ARHGEF25: variants seen among roughly 807,000 people sequenced by gnomAD.
ARHGEF25 encodes the protein RAC/CDC42 exchange factor.
ARHGEF25 carries 42 observed loss-of-function variants against 74.0 expected under a neutral mutation model. That is an observed-to-expected ratio of 0.57 (90% CI 0.44 to 0.73). ARHGEF25 has a LOEUF of 0.73. Among genes scored for constraint, ARHGEF25 ranks in the 30% least tolerant of loss-of-function variants. The pLI is 0.00. For synonymous variants in ARHGEF25, 293 were observed against 278.6 expected (o/e 1.05, Z -0.51); for missense variants, 645 against 725.5 (o/e 0.89, Z 1.27).
intron 1 of ARHGEF25, 147 bp downstream of exon 1, chr12:57,612,138 C>A: frequency 1.9e-6 from 1 of 520,994 alleles, no homozygotes; most frequent in Non-Finnish European, 2.9e-6. Context: ...CCTAAGGTCC[C>A]TTCTGCCTCC....
chr12:57,615,974 G>T lies in ARHGEF25; in HGVS notation c.1377G>T (p.Lys459Asn). 1 of 1,613,994 alleles carries T rather than the reference G, an allele frequency of 6.2e-7. No individual in the cohort carries two copies. Among genetic ancestry groups the T allele is most frequent in the Non-Finnish European group, 8.5e-7 (1 of 1,179,908 alleles). The change falls in exon 13 of 15, where the codon AAG (lysine) becomes AAT (asparagine). Residue 459 changes from lysine to asparagine, a missense_variant. Lys to Asn is a moderately conservative substitution (Grantham distance 94). This residue lies in a region of ARHGEF25 where 262 missense variants were observed against 256.9 expected (regional missense o/e 1.02). Transcript: ENST00000286494. ...ADPAISQAWI[K>N]HVAQILESQR... ...CTGCTATCAGTCAGGCCTGGATCAA[G>T]CATGTGGCTCAGATCTTGGAGAGCC...
chr12:57,611,752 G>C lies in ARHGEF25; in HGVS notation c.-143G>C. The C allele has an allele frequency of 1.7e-6, 2 of 1,187,980 alleles. No individual in the cohort carries two copies. Among genetic ancestry groups the C allele is most frequent in the African/African-American group, 1.6e-5 (1 of 62,924 alleles). The allele number at this position is 1,187,980 out of a possible 1,614,324, so 73.6% of individuals were successfully genotyped here. A position where few individuals can be genotyped will look rare whatever the true frequency, so the allele number is the denominator to read the frequency against. Reference sequence around the variant, plus strand: ...CGCCTACCCCTGGACACCTCCTCCCGGTCCCCTCCCTCCCCCCCTCCCACA... The same window carrying C: ...CGCCTACCCCTGGACACCTCCTCCCCGTCCCCTCCCTCCCCCCCTCCCACA... On this transcript the variant is annotated 5_prime_UTR_variant, in exon 1 of 15. Transcript: ENST00000286494. This position sits in a 1 kb window ranked among gnomAD's most constrained non-coding sequence, Gnocchi z 4.5.
rs747900629 is a variant in ARHGEF25, at chr12:57,615,004, C to A, written c.947C>A (p.Thr316Asn). The change falls in exon 10 of 15, where the codon ACT (threonine) becomes AAT (asparagine). Residue 316 changes from threonine (T) to asparagine (N), a missense_variant. By Grantham distance (65) the Thr-to-Asn change is moderately conservative. Around this residue, in one of 3 missense-constraint regions of ARHGEF25, gnomAD observed 194 missense variants for 269.4 expected, o/e 0.72. Transcript: ENST00000286494. ...LKYYNRAGMD[T>N]ADLEQAVEVM... ...TATTACAATAGAGCTGGGATGGATACTGCAGACCTAGAGGTGAGGACCCCA... is the reference window on the plus strand; with the variant it reads ...TATTACAATAGAGCTGGGATGGATAATGCAGACCTAGAGGTGAGGACCCCA... The A allele has an allele frequency of 1.2e-6, 2 of 1,614,172 alleles. No individual in the cohort carries two copies. The highest frequency in any genetic ancestry group is 1.7e-6 in the Non-Finnish European group (2 of 1,180,030).
chr12:57,613,869 C>G, intron 5 of ARHGEF25, 109 bp downstream of exon 5: 1 of 1,492,372 alleles, frequency 6.7e-7, no homozygotes, highest in East Asian at 2.3e-5. Context: ...CAAGCCTCCC[C>G]ACTCCTGGAC....
At chr12:57,612,676 G>A in intron 1 of ARHGEF25, 9 of 1,354,630 alleles carry the variant, frequency 6.6e-6, no homozygotes, top group Non-Finnish European at 8.6e-6. Flanking sequence ...GCTATGCTCA[G>A]GATATGGGGA....
chr12:57,612,109 A>C, intron 1 of ARHGEF25, 118 bp downstream of exon 1: 2 of 853,968 alleles, frequency 2.3e-6, no homozygotes. Context: ...TTTCCAGGAA[A>C]GTGGTTTCTT....
chr12:57,611,467 G>C lies in ARHGEF25; in HGVS notation c.-428G>C, dbSNP rs1264904509. ...TCTCCGCTCCGCTGGGACCCGCACA[G>C]CGCCAGTGGCTCGGGGGTCGGCCCT... On this transcript the variant is annotated 5_prime_UTR_variant, in exon 1 of 15. Transcript: ENST00000286494. This position sits in a 1 kb window ranked among gnomAD's most constrained non-coding sequence, Gnocchi z 4.5. 7.1e-6 allele frequency: 7 copies of C among 985,502 alleles called. No individual in the cohort carries two copies. Among genetic ancestry groups the C allele is most frequent in the African/African-American group, 1.7e-5 (1 of 57,222 alleles). 61.0% of individuals were successfully genotyped at this position (985,502 alleles called of 1,614,324 possible).
At chr12:57,612,533 G>A (rs1349350404) in intron 1 of ARHGEF25, 1 of 217,564 alleles carries the variant, frequency 4.6e-6, no homozygotes, top group Non-Finnish European at 8.5e-6. Flanking sequence ...AGTGGCAGAT[G>A]GACCCAGCTC....
chr12:57,611,709 T>A lies in ARHGEF25; in HGVS notation c.-186T>A, dbSNP rs978580599. 6.0e-6 allele frequency: 7 copies of A among 1,158,940 alleles called. No homozygotes were observed. In the Admixed American group the frequency reaches 1.4e-4, roughly 23 times the overall value. The allele number at this position is 1,158,940 out of a possible 1,614,324, so 71.8% of individuals were successfully genotyped here. On this transcript the variant is annotated 5_prime_UTR_variant, in exon 1 of 15. Transcript: ENST00000286494. The surrounding 1 kb of genome is among the most constrained non-coding windows in gnomAD (Gnocchi z 4.5). ...TCTCTCTCTCTAGAGCCCCCAGCCC[T>A]CCTCAAGACTAGACTTCCGCCTACC...
Position 57,611,840 on chromosome 12 carries a change from G to A in ARHGEF25, c.-55G>A. On this transcript the variant is annotated 5_prime_UTR_variant, in exon 1 of 15. The change creates a new upstream start codon in the 5' untranslated region. Transcript: ENST00000286494. The surrounding 1 kb of genome is among the most constrained non-coding windows in gnomAD (Gnocchi z 4.5). ...CGGCGCCGTCCCCGCCCCGCCCCCCGTGATTCCCCCTGCATGGCCGGCCCG... is the reference window on the plus strand; with the variant it reads ...CGGCGCCGTCCCCGCCCCGCCCCCCATGATTCCCCCTGCATGGCCGGCCCG... 8.3e-7 allele frequency: 1 copy of A among 1,203,158 alleles called. No individual in the cohort carries two copies. 74.5% of individuals were successfully genotyped at this position (1,203,158 alleles called of 1,614,324 possible).
rs747061531 is a variant in ARHGEF25 at position 57,615,509 on chromosome 12, C to T, written c.1039-3C>T. The T allele has an allele frequency of 3.1e-6, 5 of 1,614,046 alleles. No homozygotes were observed. In the African/African-American group the frequency reaches 6.7e-5, roughly 22 times the overall value. ...TCCAAGGCCACTATCCTTTTGGTTT[C>T]AGGGCAAACTGACTGCTCAGGGGAA... On this transcript the variant is annotated splice_region_variant and splice_polypyrimidine_tract_variant and intron_variant, in intron 11 of 14. Transcript: ENST00000286494.
At chr12:57,613,785 C>G in intron 5 of ARHGEF25, 25 bp downstream of exon 5, 1 of 1,611,560 alleles carries the variant, frequency 6.2e-7, no homozygotes, top group Non-Finnish European at 8.5e-7. Context: ...CCCTTCCCAG[C>G]CCCTCCTGCC....
rs200248390 is a variant in ARHGEF25, at chr12:57,616,510, G to A, written c.1632+15G>A. The A allele has an allele frequency of 1.9e-5, 30 of 1,610,754 alleles. No homozygotes were observed. The highest frequency in any genetic ancestry group is 1.8e-4 in the Admixed American group (11 of 59,582). On this transcript the variant is annotated intron_variant, in intron 14 of 14. Transcript: ENST00000286494. Reference sequence around the variant, plus strand: ...TGGATAAACAGGTATGACGAATAGAGCTCCCTCATTGTAGGGATAAAAAGG... The same window carrying A: ...TGGATAAACAGGTATGACGAATAGAACTCCCTCATTGTAGGGATAAAAAGG...
Position 57,613,180 on chromosome 12 carries a change from C to T in ARHGEF25, c.312+36C>T, listed in dbSNP as rs116461827. The T allele has an allele frequency of 6.4e-4, 1,026 of 1,610,762 alleles. 7 individuals carry two copies. The African/African-American group carries it at 0.012, about 19-fold the overall frequency. On this transcript the variant is annotated intron_variant, in intron 2 of 14. Coordinates refer to ENST00000286494, the MANE Select transcript of ARHGEF25 (RefSeq NM_182947.4). ...AACGGCACCAAAGCATGTGGGACATCTATGAAGGACACTGGCAGAGAGGGC... is the reference window on the plus strand; with the variant it reads ...AACGGCACCAAAGCATGTGGGACATTTATGAAGGACACTGGCAGAGAGGGC...
Position 57,614,983 on chromosome 12 carries a change from A to G in ARHGEF25, c.926A>G (p.Tyr309Cys). Residue 309 changes from tyrosine (Y) to cysteine (C), a missense_variant, in exon 10 of 15, where the codon TAC (tyrosine) becomes TGC (cysteine). Around this residue, in one of 3 missense-constraint regions of ARHGEF25, gnomAD observed 194 missense variants for 269.4 expected, o/e 0.72. Transcript: ENST00000286494. This position sits in a 1 kb window ranked among gnomAD's most constrained non-coding sequence, Gnocchi z 4.6. ...QLLLKDFLKYYNRAGMDTADL... is the reference protein window; with the variant it reads ...QLLLKDFLKYCNRAGMDTADL... ...CTGTCTTAGGATTTTCTCAAGTATT[A>G]CAATAGAGCTGGGATGGATACTGCA... 1.2e-6 allele frequency: 2 copies of G among 1,614,088 alleles called. No homozygotes were observed. The highest frequency in any genetic ancestry group is 1.1e-5 in the South Asian group (1 of 91,072).
chr12:57,610,157 A>G, upstream of ARHGEF25: 14 of 944,936 alleles, frequency 1.5e-5, no homozygotes, highest in Non-Finnish European at 2.2e-5. Context: ...GCAGGCCTCA[A>G]AGCCCCCCAG....
In ARHGEF25 at chr12:57,615,298, G is replaced by T. The variant is rs1378551862; in HGVS notation, c.1022G>T (p.Arg341Ile). The T allele has an allele frequency of 1.2e-6, 2 of 1,608,582 alleles. No homozygotes were observed. Among genetic ancestry groups the T allele is most frequent in the Admixed American group, 3.4e-5 (2 of 59,034 alleles). The change falls in exon 11 of 15, where the codon AGA (arginine) becomes ATA (isoleucine). Residue 341 changes from arginine (R) to isoleucine (I), a missense_variant. By Grantham distance (97) the Arg-to-Ile change is moderately conservative. Around this residue, in one of 3 missense-constraint regions of ARHGEF25, gnomAD observed 194 missense variants for 269.4 expected, o/e 0.72. Coordinates refer to ENST00000286494, the MANE Select transcript of ARHGEF25 (RefSeq NM_182947.4). ...KRCNDMMTLGRLRGFEGKLTA... is the reference protein window; with the variant it reads ...KRCNDMMTLGILRGFEGKLTA... ...TGCAACGATATGATGACGCTGGGGA[G>T]ATTGCGGGGATTTGAGGTACGGAGA...
rs960530072 is a variant in ARHGEF25 at position 57,611,834 on chromosome 12, C to G, written c.-61C>G. Reference sequence around the variant, plus strand: ...TGCGCCCGGCGCCGTCCCCGCCCCGCCCCCCGTGATTCCCCCTGCATGGCC... The same window carrying G: ...TGCGCCCGGCGCCGTCCCCGCCCCGGCCCCCGTGATTCCCCCTGCATGGCC... On this transcript the variant is annotated 5_prime_UTR_variant, in exon 1 of 15. Coordinates refer to ENST00000286494, the MANE Select transcript of ARHGEF25 (RefSeq NM_182947.4). This position sits in a 1 kb window ranked among gnomAD's most constrained non-coding sequence, Gnocchi z 4.5. 8.3e-7 allele frequency: 1 copy of G among 1,199,192 alleles called. No homozygotes were observed. Among genetic ancestry groups the G allele is most frequent in the Admixed American group, 4.3e-5 (1 of 23,376 alleles). 74.3% of individuals were successfully genotyped at this position (1,199,192 alleles called of 1,614,324 possible). A position where few individuals can be genotyped will look rare whatever the true frequency, so the allele number is the denominator to read the frequency against.
At position 57,611,801 on chromosome 12, in the gene ARHGEF25, G is replaced by T. The variant is rs1044818596; in HGVS notation, c.-94G>T. ...CAGCCTGGACCGGGGTAGGAGGGAG[G>T]GGGGGTGTGCGCCCGGCGCCGTCCC... On this transcript the variant is annotated 5_prime_UTR_variant, in exon 1 of 15. Transcript: ENST00000286494. The surrounding 1 kb of genome is among the most constrained non-coding windows in gnomAD (Gnocchi z 4.5). 3.0e-5 allele frequency: 34 copies of T among 1,146,550 alleles called. No individual in the cohort carries two copies. The African/African-American group carries it at 3.4e-4, about 11-fold the overall frequency. The allele number at this position is 1,146,550 out of a possible 1,614,324, so 71.0% of individuals were successfully genotyped here.
Sources: gnomAD v4.1 joint callset for allele counts on GRCh38, gnomAD v4.1.1 for gene constraint, gnomAD v4.1.1 regional missense constraint, Gnocchi (gnomAD v3.1) non-coding constraint, MANE v1.5 for transcripts, NCBI Gene and HGNC (gene_info 2026-07-23, HGNC 2026-07-21) for gene names.